EML4: variants seen among roughly 807,000 people sequenced by gnomAD.
The protein encoded by EML4 is echinoderm microtubule-associated protein-like 4.
A neutral mutation model predicts 129.0 loss-of-function variants in EML4; 72 were observed. That is an observed-to-expected ratio of 0.56 (90% CI 0.46 to 0.68). The LOEUF is 0.68. Among genes scored for constraint, EML4 ranks in the 30% least tolerant of loss-of-function variants. EML4 has a pLI of 0.00. For missense variants in EML4, 1,363 were observed against 1,190.6 expected (o/e 1.14, Z -2.13); for synonymous variants, 532 against 405.0 (o/e 1.31, Z -3.77).
chr2:42,248,463 G>T (rs1332453386), intron 2 of EML4, among the ~76,000 whole-genome samples: 2 of 152,148 alleles, frequency 1.3e-5, no homozygotes, highest in Admixed American at 1.3e-4. Context: ...TATAAATACA[G>T]TTAACTAGCT....
At chr2:42,265,401 G>A (rs1487583068) in intron 6 of EML4, among the ~76,000 whole-genome samples, 2 of 151,846 alleles carry the variant, frequency 1.3e-5, no homozygotes, top group Non-Finnish European at 2.9e-5. Flanking sequence ...CATGGCACCC[G>A]GCCAATTTTT....
chr2:42,310,780 G>A (rs74588607), intron 17 of EML4, among the ~76,000 whole-genome samples: 2 of 152,244 alleles, frequency 1.3e-5, no homozygotes, highest in African/African-American at 2.4e-5. Context: ...GAAGCCAGGA[G>A]TGAAACTTAA....
Position 42,262,709 on chromosome 2 carries a change from C to T in EML4, c.513-469C>T, listed in dbSNP as rs1283523357. Among the ~76,000 whole-genome samples, 6 of 151,926 alleles carry T rather than the reference C, an allele frequency of 3.9e-5. No individual in the cohort carries two copies. The East Asian group carries it at 1.2e-3, about 29-fold the overall frequency. On this transcript the variant is annotated intron_variant, in intron 4 of 22. Transcript: ENST00000318522. Reference sequence around the variant, plus strand: ...ATTTCTGATCATTGGTAAAATTGTCCCTAAAGATATAAACAAGAGTTTATA... The same window carrying T: ...ATTTCTGATCATTGGTAAAATTGTCTCTAAAGATATAAACAAGAGTTTATA...
chr2:42,247,903 C>T (rs1675517208), intron 2 of EML4, among the ~76,000 whole-genome samples: 1 of 152,016 alleles, frequency 6.6e-6, no homozygotes, highest in Admixed American at 6.5e-5. Context: ...CCCGAGGGTA[C>T]ATATAAGTAT....
intron 6 of EML4, 98 bp from the exon 7 acceptor site, chr2:42,280,752 A>ATTTTTTTT: frequency 1.1e-6 from 1 of 902,544 alleles, no homozygotes; most frequent in Non-Finnish European, 1.6e-6. Flanking sequence ...TGAAGTAGTC[A>ATTTTTTTT]TTTTTGTCTT....
intron 8 of EML4, 131 bp from the exon 9 acceptor site, chr2:42,284,503 T>A (rs1268051747): frequency 3.8e-6 from 2 of 523,600 alleles, no homozygotes; most frequent in Non-Finnish European, 6.6e-6. Flanking sequence ...ATTGTTTGAT[T>A]TGCTGAAGAA....
intron 13 of EML4, among the ~76,000 whole-genome samples, chr2:42,296,557 C>T (rs1204886736): frequency 6.6e-6 from 1 of 152,100 alleles, no homozygotes; most frequent in Non-Finnish European, 1.5e-5. Flanking sequence ...AAGGGAATCC[C>T]TGTTCGTGTG....
chr2:42,244,087 T>G (rs1369931673), intron 1 of EML4, among the ~76,000 whole-genome samples: 4 of 64,456 alleles, frequency 6.2e-5, no homozygotes, highest in Non-Finnish European at 1.2e-4. Context: ...TTTTGTTTTT[T>G]GTTTTTGTTT....
chr2:42,237,789 A>G (rs1674768042), intron 1 of EML4, among the ~76,000 whole-genome samples: 1 of 152,252 alleles, frequency 6.6e-6, no homozygotes, highest in Admixed American at 6.5e-5. Flanking sequence ...TTAAATCAAA[A>G]TGGATCGTCA....
chr2:42,178,636 A>AAG (rs1670757119), intron 1 of EML4, among the ~76,000 whole-genome samples: 1 of 152,210 alleles, frequency 6.6e-6, no homozygotes, highest in Non-Finnish European at 1.5e-5. Context: ...TGGGAGCCAA[A>AAG]AACAACAACT....
chr2:42,183,674 T>C (rs949721998), intron 1 of EML4, among the ~76,000 whole-genome samples: 1 of 152,210 alleles, frequency 6.6e-6, no homozygotes, highest in Non-Finnish European at 1.5e-5. Flanking sequence ...GGTATAAATA[T>C]AATACTGTGT....
intron 1 of EML4, among the ~76,000 whole-genome samples, chr2:42,226,389 G>T (rs917768634): frequency 2.6e-5 from 4 of 152,030 alleles, no homozygotes; most frequent in Non-Finnish European, 5.9e-5. Context: ...GCCGGGCGTG[G>T]TGGCTCATGG....
chr2:42,223,556 G>T (rs143412673), intron 1 of EML4, among the ~76,000 whole-genome samples: 2 of 152,028 alleles, frequency 1.3e-5, no homozygotes, highest in Non-Finnish European at 2.9e-5. Context: ...TTTTACTGTA[G>T]CAGGTCATCT....
At chr2:42,264,971 T>C (rs1665972974) in intron 6 of EML4, 1 of 1,547,202 alleles carries the variant, frequency 6.5e-7, no homozygotes, top group Non-Finnish European at 8.7e-7. Context: ...AGCTACGCAG[T>C]TGGTTGCCTT....
intron 1 of EML4, among the ~76,000 whole-genome samples, chr2:42,206,852 A>G (rs1300845382): frequency 6.6e-6 from 1 of 152,230 alleles, no homozygotes; most frequent in Non-Finnish European, 1.5e-5. Context: ...ACAGTCCTGG[A>G]TTCAAATTCT....
At chr2:42,296,177 CA>C (rs1467135537) in intron 13 of EML4, among the ~76,000 whole-genome samples, 2 of 151,930 alleles carry the variant, frequency 1.3e-5, no homozygotes, top group African/African-American at 4.8e-5. Context: ...AAAAAATGTC[CA>C]GAGTACCATG....
intron 17 of EML4, among the ~76,000 whole-genome samples, chr2:42,314,547 T>C (rs1248424008): frequency 1.3e-5 from 2 of 152,194 alleles, no homozygotes; most frequent in East Asian, 1.9e-4. Context: ...GTTTTTCTAG[T>C]CTTGTCCTGT....
At chr2:42,272,591 A>G (rs1490354194) in intron 6 of EML4, among the ~76,000 whole-genome samples, 3 of 152,174 alleles carry the variant, frequency 2.0e-5, no homozygotes, top group Non-Finnish European at 4.4e-5. Context: ...CCTGGACAGC[A>G]CAGATTTCTA....
At chr2:42,305,065 G>A (rs577120256) in intron 17 of EML4, among the ~76,000 whole-genome samples, 10 of 152,062 alleles carry the variant, frequency 6.6e-5, no homozygotes, top group Admixed American at 2.0e-4. Context: ...GCAGTGAGCC[G>A]AGATTGTGCC....
Sources: allele counts gnomAD v4.1 joint callset (sites outside exome capture counted in the v4.1 genomes callset), GRCh38; gene constraint gnomAD v4.1.1; transcripts MANE v1.5; gene names NCBI Gene and HGNC (gene_info 2026-07-23, HGNC 2026-07-21).